Variants in EXOC7 observed in about 807,000 individuals in gnomAD.
The protein encoded by EXOC7 is exocyst complex component 7, also known as exocyst complex component Exo70.
A neutral mutation model predicts 87.6 loss-of-function variants in EXOC7; 51 were observed. The observed-to-expected ratio is 0.58, with a 90% CI of 0.46 to 0.73. EXOC7 has a LOEUF of 0.73. Among genes scored for constraint, EXOC7 ranks in the 30% least tolerant of loss-of-function variants. The probability of loss-of-function intolerance (pLI) is 0.00; values close to 1 mark genes in which losing one functional copy is unlikely to be tolerated. For missense variants in EXOC7, 744 were observed against 888.4 expected (o/e 0.84, Z 2.07); for synonymous variants, 327 against 357.1 (o/e 0.92, Z 0.95).
chr17:76,100,041 G>A (rs567358489), intron 4 of EXOC7, among the ~76,000 whole-genome samples: 117 of 152,230 alleles, frequency 7.7e-4, no homozygotes, highest in Non-Finnish European at 2.6e-4. Context: ...GTTCGAGGCT[G>A]CAGTAGCTAT....
In EXOC7 at chr17:76,083,078, T is replaced by C. The variant is rs1046204; in HGVS notation, c.*570A>G. 11,963 of 168,928 alleles carry C rather than the reference T, an allele frequency of 0.071. 1,545 individuals are homozygous for C. Among genetic ancestry groups the C allele is most frequent in the African/African-American group, 0.27 (11,116 of 41,840 alleles). 10.5% of individuals were successfully genotyped at this position (168,928 alleles called of 1,614,324 possible). The stretch of plus-strand genomic sequence containing the variant: ...ACGCCTCCTGCAGTGTGCTGGACTC[T>C]AGGGAAAATGGCCAGTGAGCCTGCC... On this transcript the variant is annotated 3_prime_UTR_variant, in exon 19 of 19. Coordinates refer to ENST00000589210, the MANE Select transcript of EXOC7 (RefSeq NM_001013839.4).
chr17:76,102,467 CGTG>C (rs1401910550), intron 2 of EXOC7, among the ~76,000 whole-genome samples: 1 of 150,562 alleles, frequency 6.6e-6, no homozygotes, highest in Non-Finnish European at 1.5e-5. Context: ...ATTAGCAAGG[CGTG>C]GTGGTGTGTG....
chr17:76,087,716 ATGGCCT>A lies in EXOC7; in HGVS notation c.1363-2_1366del. On this transcript the variant is annotated splice_acceptor_variant and coding_sequence_variant, in exon 12 of 19. Transcript: ENST00000589210. LOFTEE classifies it high-confidence loss of function. ...GTCCAAAAGCTGCTGCAGGAAGAGGATGGCCTGGGTGGGAAGAAAACGGTGCAGAAG... is the reference window on the plus strand; with the variant it reads ...GTCCAAAAGCTGCTGCAGGAAGAGGAGGGTGGGAAGAAAACGGTGCAGAAG... 1.3e-6 allele frequency: 2 copies of A among 1,551,206 alleles called. No individual in the cohort carries two copies. The highest frequency in any genetic ancestry group is 1.7e-6 in the Non-Finnish European group (2 of 1,146,982).
intron 4 of EXOC7, among the ~76,000 whole-genome samples, chr17:76,099,892 C>T (rs2067972649): frequency 6.6e-6 from 1 of 152,100 alleles, no homozygotes; most frequent in African/African-American, 2.4e-5. Context: ...CACCTGAGGA[C>T]AGTAGTTTGA....
intron 10 of EXOC7, 166 bp downstream of exon 10, chr17:76,088,298 G>A (rs1184690562): frequency 2.1e-6 from 2 of 936,814 alleles, no homozygotes; most frequent in Admixed American, 2.3e-5. Flanking sequence ...AGGGCTTGGA[G>A]GCCCCAGGAA....
Position 76,082,372 on chromosome 17 carries a change from G to T in EXOC7, c.*1276C>A, listed in dbSNP as rs535056333. 1.5e-6 allele frequency: 2 copies of T among 1,321,266 alleles called. No individual in the cohort carries two copies. The highest frequency in any genetic ancestry group is 2.1e-6 in the Non-Finnish European group (2 of 962,302). The allele number at this position is 1,321,266 out of a possible 1,614,324, so 81.8% of individuals were successfully genotyped here. ...CAGCTGAGAATCTAAGAAAGGAAGCGATACAGGCTGATGACCCCTGGGGTT... is the reference window on the plus strand; with the variant it reads ...CAGCTGAGAATCTAAGAAAGGAAGCTATACAGGCTGATGACCCCTGGGGTT... On this transcript the variant is annotated 3_prime_UTR_variant, in exon 19 of 19. Transcript: ENST00000589210.
At chr17:76,086,632 A>T (rs2067224898) in intron 12 of EXOC7, among the ~76,000 whole-genome samples, 1 of 152,050 alleles carries the variant, frequency 6.6e-6, no homozygotes, top group Non-Finnish European at 1.5e-5. Context: ...AGGCCGGGCG[A>T]GCCTAGGGGG....
chr17:76,096,502 A>C (rs553616145), intron 5 of EXOC7, among the ~76,000 whole-genome samples: 2 of 126,448 alleles, frequency 1.6e-5, no homozygotes, highest in Admixed American at 1.8e-4. Flanking sequence ...ACAGAGCGAG[A>C]CTCTGTCTCA....
intron 4 of EXOC7, among the ~76,000 whole-genome samples, chr17:76,099,720 TA>T (rs1281076444): frequency 6.6e-6 from 1 of 152,172 alleles, no homozygotes; most frequent in Non-Finnish European, 1.5e-5. Flanking sequence ...GGCAAATCCA[TA>T]AAGACAGAAA....
In EXOC7 at chr17:76,084,157, GA is replaced by G; in HGVS notation, c.1819-19del. The G allele has an allele frequency of 6.3e-7, 1 of 1,592,794 alleles. No individual in the cohort carries two copies. The highest frequency in any genetic ancestry group is 8.5e-7 in the Non-Finnish European group (1 of 1,169,990). ...TTGAAGCCCTGGCCACCAAAAAGGT[GA>G]AAAAGGAAGGCACCCAGAGACAAAC... On this transcript the variant is annotated intron_variant, in intron 17 of 18. Transcript: ENST00000589210.
Position 76,103,367 on chromosome 17 carries a change from C to A in EXOC7, c.120G>T (p.Lys40Asn). ...DSLEKSDQLTKNMVSILSSFE... is the reference protein window; with the variant it reads ...DSLEKSDQLTNNMVSILSSFE... Reference sequence around the variant, plus strand: ...CAGCTGCGGGGAGACTCACCATGTTCTTAGTGAGCTGGTCGCTCTTCTCCA... The same window carrying A: ...CAGCTGCGGGGAGACTCACCATGTTATTAGTGAGCTGGTCGCTCTTCTCCA... The change falls in exon 2 of 19, where the codon AAG (lysine) becomes AAT (asparagine). Residue 40 changes from lysine (K) to asparagine (N), a missense_variant. Physicochemically the swap from Lys to Asn is moderately conservative, Grantham distance 94. Around this residue, in one of 3 missense-constraint regions of EXOC7, gnomAD observed 512 missense variants for 573.0 expected, o/e 0.89. Transcript: ENST00000589210. The A allele has an allele frequency of 6.2e-7, 1 of 1,601,260 alleles. No homozygotes were observed. The highest frequency in any genetic ancestry group is 8.5e-7 in the Non-Finnish European group (1 of 1,173,744).
Position 76,084,554 on chromosome 17 carries a change from G to C in EXOC7, c.1739C>G (p.Ala580Gly). The part of the protein sequence containing the change: ...RSWLKVTDYI[A>G]EKNLPVFQPG... ...CTGGAACACAGGTAGATTCTTCTCTGCGATGTAATCAGTCACCTTTAACCA... is the reference window on the plus strand; with the variant it reads ...CTGGAACACAGGTAGATTCTTCTCTCCGATGTAATCAGTCACCTTTAACCA... Residue 580 changes from alanine to glycine, a missense_variant, in exon 16 of 19, where the codon GCA becomes GGA. Ala to Gly is a moderately conservative substitution (Grantham distance 60). Coordinates refer to ENST00000589210, the MANE Select transcript of EXOC7 (RefSeq NM_001013839.4). 2 of 1,613,934 alleles carry C rather than the reference G, an allele frequency of 1.2e-6. No individual in the cohort carries two copies. The highest frequency in any genetic ancestry group is 1.7e-6 in the Non-Finnish European group (2 of 1,180,020).
intron 4 of EXOC7, among the ~76,000 whole-genome samples, chr17:76,098,694 T>C (rs1033363059): frequency 1.6e-5 from 2 of 125,628 alleles, no homozygotes; most frequent in African/African-American, 6.5e-5. Context: ...ACTCCATCTC[T>C]ACTAAAAATA....
chr17:76,087,386 AC>A (rs2067259015), intron 12 of EXOC7: 2 of 528,626 alleles, frequency 3.8e-6, no homozygotes, highest in Non-Finnish European at 6.8e-6. Context: ...CTTCCAACCA[AC>A]CAGCACCGCT....
At chr17:76,099,824 T>C (rs868245133) in intron 4 of EXOC7, among the ~76,000 whole-genome samples, 2 of 152,108 alleles carry the variant, frequency 1.3e-5, no homozygotes, top group South Asian at 4.1e-4. Flanking sequence ...TGAAGGCAGG[T>C]ACAGTGGGTA....
At chr17:76,100,587 C>A (rs766165806) in intron 4 of EXOC7, among the ~76,000 whole-genome samples, 4 of 150,780 alleles carry the variant, frequency 2.7e-5, no homozygotes, top group Non-Finnish European at 4.4e-5. Context: ...GAGCCGAGAT[C>A]GTGCCATTGC....
At chr17:76,098,070 G>T in intron 4 of EXOC7, 52 bp from the exon 5 acceptor site, 1 of 1,521,550 alleles carries the variant, frequency 6.6e-7, no homozygotes, top group Non-Finnish European at 9.1e-7. Flanking sequence ...TGTTCTGCCA[G>T]TCCTGGCCTT....
chr17:76,089,397 A>G, intron 7 of EXOC7, 77 bp from the exon 8 acceptor site: 1 of 1,569,598 alleles, frequency 6.4e-7, no homozygotes, highest in East Asian at 2.3e-5. Context: ...TGGGTCCCCC[A>G]GCTCCTGGCC....
At chr17:76,101,125 A>G in intron 4 of EXOC7, 146 bp downstream of exon 4, 2 of 1,277,334 alleles carry the variant, frequency 1.6e-6, no homozygotes, top group Non-Finnish European at 2.0e-6. Context: ...CTTGAAGCAG[A>G]GATCCTAATG....
Sources: gnomAD v4.1 joint callset for allele counts (sites outside exome capture counted in the v4.1 genomes callset) on GRCh38, gnomAD v4.1.1 for gene constraint, gnomAD v4.1.1 regional missense constraint, MANE v1.5 for transcripts, NCBI Gene and HGNC (gene_info 2026-07-23, HGNC 2026-07-21) for gene names.